Variants in PCDH15 observed in about 807,000 individuals in gnomAD.
PCDH15 encodes protocadherin related 15.
PCDH15 carries 129 observed loss-of-function variants against 178.5 expected under a neutral mutation model. The ratio of observed to expected loss-of-function variants is 0.72; its 90% CI spans 0.63 to 0.84. The LOEUF (loss-of-function observed/expected upper bound fraction) is 0.84. PCDH15 is among the 40% of genes least tolerant of loss of function. The probability of loss-of-function intolerance (pLI) is 0.00; values close to 1 mark genes in which losing one functional copy is unlikely to be tolerated. For missense variants in PCDH15, 2,230 were observed against 2,099.9 expected (o/e 1.06, Z -1.21); for synonymous variants, 800 against 732.0 (o/e 1.09, Z -1.50).
chr10:55,101,250 G>A (rs1252366859), intron 2 of PCDH15, among the ~76,000 whole-genome samples: 6 of 151,918 alleles, frequency 3.9e-5, no homozygotes, highest in Non-Finnish European at 8.8e-5. Context: ...AGGGTGGCAC[G>A]TACCTGTAAT....
intron 2 of PCDH15, among the ~76,000 whole-genome samples, chr10:54,616,976 T>C (rs117920001): frequency 6.6e-6 from 1 of 152,048 alleles, no homozygotes; most frequent in Non-Finnish European, 1.5e-5. Context: ...ATAAGTGATA[T>C]GTCATTAAGG....
chr10:54,313,314 T>C (rs931398977), intron 8 of PCDH15, among the ~76,000 whole-genome samples: 11 of 152,182 alleles, frequency 7.2e-5, no homozygotes, highest in Non-Finnish European at 1.5e-4. Flanking sequence ...CAATATTTAA[T>C]ATTGGACTGG....
intron 8 of PCDH15, among the ~76,000 whole-genome samples, chr10:54,247,881 A>AAAAATATATATAT (rs1260841226): frequency 3.4e-5 from 5 of 148,494 alleles, no homozygotes; most frequent in Admixed American, 1.4e-4. Context: ...AAAAAAAAGA[A>AAAAATATATATAT]ATATGTATAT....
At chr10:54,796,268 A>G (rs10825400) in intron 1 of PCDH15, among the ~76,000 whole-genome samples, 2,090 of 120,868 alleles carry the variant, frequency 0.017, 34 homozygotes, top group Non-Finnish European at 0.021. Context: ...CTATCTATCT[A>G]TCTATGTATC....
chr10:54,090,096 T>A, intron 15 of PCDH15, 33 bp from the exon 16 acceptor site: 4 of 1,505,790 alleles, frequency 2.7e-6, no homozygotes, highest in African/African-American at 1.4e-5. Context: ...AATTATCAAG[T>A]AATTGATATG....
chr10:54,560,560 A>T (rs1340868332), intron 2 of PCDH15, among the ~76,000 whole-genome samples: 3 of 152,078 alleles, frequency 2.0e-5, no homozygotes, highest in Non-Finnish European at 4.4e-5. Flanking sequence ...AAAAATATAG[A>T]TACACACTTT....
At chr10:54,233,790 T>C (rs898597816) in intron 9 of PCDH15, among the ~76,000 whole-genome samples, 1 of 152,192 alleles carries the variant, frequency 6.6e-6, no homozygotes, top group Non-Finnish European at 1.5e-5. Context: ...ATCCCAGAAA[T>C]ATGTTAAACT....
intron 8 of PCDH15, among the ~76,000 whole-genome samples, chr10:54,278,526 AGAT>A (rs1291645404): frequency 6.6e-6 from 1 of 151,656 alleles, no homozygotes; most frequent in African/African-American, 2.4e-5. Context: ...TTCACTATTA[AGAT>A]GATGGTAAAT....
At chr10:55,577,858 G>A (rs1031659196) in intron 2 of PCDH15, among the ~76,000 whole-genome samples, 1 of 152,050 alleles carries the variant, frequency 6.6e-6, no homozygotes, top group Non-Finnish European at 1.5e-5. Context: ...TTTCACAGTA[G>A]TAAATTAAAT....
chr10:54,815,394 T>C (rs1041100054), intron 3 of PCDH15, among the ~76,000 whole-genome samples: 1 of 152,022 alleles, frequency 6.6e-6, no homozygotes, highest in Admixed American at 6.6e-5. Context: ...AATGTAAAAA[T>C]GTAGTATTGT....
At position 54,171,443 on chromosome 10, in the gene PCDH15, T is replaced by C. The variant is rs534854818; in HGVS notation, c.1590+12001A>G. Among the ~76,000 whole-genome samples, 18 of 152,278 alleles carry C rather than the reference T, an allele frequency of 1.2e-4. No individual in the cohort carries two copies. The East Asian group carries it at 3.5e-3, about 29-fold the overall frequency. ...TCCTTTTTATTAAGCCCCAGTCTCA[T>C]TCCAGACACCAGAGCAACTTAAGAC... is the stretch of plus-strand genomic sequence containing the variant. On this transcript the variant is annotated intron_variant, in intron 13 of 37. Transcript: ENST00000644397.
intron 20 of PCDH15, among the ~76,000 whole-genome samples, chr10:54,000,573 A>C (rs2092084726): frequency 2.0e-5 from 3 of 151,996 alleles, no homozygotes; most frequent in Admixed American, 6.6e-5. Context: ...TAATAGCAGA[A>C]TTGACCAAGC....
chr10:54,831,387 TG>T (rs1953225617), intron 3 of PCDH15, among the ~76,000 whole-genome samples: 2 of 152,218 alleles, frequency 1.3e-5, no homozygotes, highest in South Asian at 4.1e-4. Flanking sequence ...ATTAATATAT[TG>T]GTAATTAAAG....
rs2134054895 is a variant in PCDH15 at position 53,938,969 on chromosome 10, T to C, written c.3233-14A>G. 6.2e-7 allele frequency: 1 copy of C among 1,609,282 alleles called. No homozygotes were observed. Among genetic ancestry groups the C allele is most frequent in the Non-Finnish European group, 8.5e-7 (1 of 1,176,422 alleles). On this transcript the variant is annotated splice_polypyrimidine_tract_variant and intron_variant, in intron 24 of 37. Coordinates refer to ENST00000644397, the MANE Select transcript of PCDH15 (RefSeq NM_001384140.1). ...TTCCAAATGTATCTAGAAATTAAAATACAATTACCTGGTCATTGTCTTTAC... is the reference window on the plus strand; with the variant it reads ...TTCCAAATGTATCTAGAAATTAAAACACAATTACCTGGTCATTGTCTTTAC...
Position 55,079,622 on chromosome 10 carries a change from G to T in PCDH15, c.-80+86954C>A, listed in dbSNP as rs116258139. Among the ~76,000 whole-genome samples, 1,377 of 152,298 alleles carry T rather than the reference G, an allele frequency of 9.0e-3. 18 individuals carry two copies. Among genetic ancestry groups the T allele is most frequent in the East Asian group, 0.037 (189 of 5,160 alleles). On this transcript the variant is annotated intron_variant, in intron 2 of 5. Coordinates refer to the PCDH15 transcript ENST00000458638. ...TGCCAGTAGTGACAACAGTGGGCCA[G>T]GTGGGCAGGCAGGCTCTTAGGCCCC... is the stretch of plus-strand genomic sequence containing the variant.
chr10:54,732,288 C>CCAGAGA (rs1566070117), intron 1 of PCDH15, among the ~76,000 whole-genome samples: 1 of 151,024 alleles, frequency 6.6e-6, no homozygotes, highest in Non-Finnish European at 1.5e-5. Context: ...AGAGCCAGAG[C>CCAGAGA]CAGAGACAGA....
chr10:55,527,408 G>A (rs1049107499), intron 2 of PCDH15, among the ~76,000 whole-genome samples: 2 of 151,922 alleles, frequency 1.3e-5, no homozygotes. Flanking sequence ...TTCTTCCTAT[G>A]GAGTGTCTAT....
At chr10:54,328,756 G>T (rs1938742775) in intron 7 of PCDH15, among the ~76,000 whole-genome samples, 1 of 151,704 alleles carries the variant, frequency 6.6e-6, no homozygotes, top group Non-Finnish European at 1.5e-5. Context: ...ATACCTCCCA[G>T]CTGATAAGGC....
At chr10:55,135,708 GAGT>G (rs1838176334) in intron 2 of PCDH15, among the ~76,000 whole-genome samples, 1 of 144,922 alleles carries the variant, frequency 6.9e-6, no homozygotes. Flanking sequence ...TCAGCCTCCC[GAGT>G]AGCTGGGGTT....
Sources: allele counts gnomAD v4.1 joint callset (sites outside exome capture counted in the v4.1 genomes callset), GRCh38; gene constraint gnomAD v4.1.1; transcripts MANE v1.5; gene names NCBI Gene and HGNC (gene_info 2026-07-23, HGNC 2026-07-21).